AREL1: variants seen among roughly 807,000 people sequenced by gnomAD.
AREL1 encodes apoptosis-resistant E3 ubiquitin protein ligase 1.
In AREL1, 62 loss-of-function variants were observed where a neutral mutation model predicts 99.0. That is an observed-to-expected ratio of 0.63 (90% CI 0.51 to 0.77). The LOEUF (loss-of-function observed/expected upper bound fraction) is 0.77, where lower values mean the gene tolerates loss of function less well. AREL1 is among the 30% of genes least tolerant of loss of function. The pLI, the probability that AREL1 is intolerant of heterozygous loss-of-function variation, is 0.00. For synonymous variants in AREL1, 380 were observed against 376.5 expected, an observed-to-expected ratio of 1.01 and a Z score of -0.11; for missense variants, 879 against 1,027.6, an observed-to-expected ratio of 0.86 and a Z score of 1.98.
chr14:74,686,929 A>AC (rs2089761028), intron 2 of AREL1, among the ~76,000 whole-genome samples: 1 of 152,032 alleles, frequency 6.6e-6, no homozygotes, highest in African/African-American at 2.4e-5. Context: ...CAACTACTGA[A>AC]CCTCCTTCCC....
chr14:74,666,695 T>G (rs2089217041), intron 17 of AREL1, among the ~76,000 whole-genome samples: 1 of 151,144 alleles, frequency 6.6e-6, no homozygotes. Flanking sequence ...GTACATGATA[T>G]TAACATTCTT....
intron 18 of AREL1, among the ~76,000 whole-genome samples, chr14:74,664,448 C>CTTTTTTT (rs56728679): frequency 5.2e-5 from 4 of 76,896 alleles, no homozygotes; most frequent in Non-Finnish European, 7.2e-5. Context: ...CTTTTCCTTT[C>CTTTTTTT]TTTTTTTTTT....
chr14:74,664,096 T>C, intron 18 of AREL1, 22 bp from the exon 19 acceptor site: 1 of 1,607,046 alleles, frequency 6.2e-7, no homozygotes, highest in Non-Finnish European at 8.5e-7. Context: ...AGCACAAGGC[T>C]GGGATCACAC....
intron 2 of AREL1, among the ~76,000 whole-genome samples, chr14:74,688,318 C>A (rs1303841678): frequency 6.6e-6 from 1 of 152,142 alleles, no homozygotes; most frequent in Admixed American, 6.5e-5. Flanking sequence ...AGCCACCACG[C>A]CCGGCCCTGA....
rs370475152 is a variant in AREL1 at position 74,674,069 on chromosome 14, G to A, written c.1123C>T (p.Arg375Cys). 2.3e-5 allele frequency: 37 copies of A among 1,613,762 alleles called. No homozygotes were observed. In the Admixed American group the frequency reaches 4.0e-4, roughly 17 times the overall value. ...GGACACACTCGGAAGGTGTAAAGGC[G>A]CCAGGGGATGATCTTCAGGTAGAAC... ...KEFYLKIIPW[R>C]LYTFRVCPGT... The change falls in exon 9 of 20, where the codon CGC becomes TGC. Residue 375 changes from arginine (R) to cysteine (C), a missense_variant. Coordinates refer to ENST00000356357, the MANE Select transcript of AREL1 (RefSeq NM_001039479.2).
At chr14:74,684,285 A>G (rs2089698049) in intron 4 of AREL1, among the ~76,000 whole-genome samples, 169 bp downstream of exon 4, 1 of 152,242 alleles carries the variant, frequency 6.6e-6, no homozygotes, top group Non-Finnish European at 1.5e-5. Context: ...GACCTATTAA[A>G]TCAAAATGAC....
At position 74,670,858 on chromosome 14, in the gene AREL1, T is replaced by A; in HGVS notation, c.1512A>T (p.Gly504=). 6.2e-7 allele frequency: 1 copy of A among 1,613,920 alleles called. No individual in the cohort carries two copies. The highest frequency in any genetic ancestry group is 1.1e-5 in the South Asian group (1 of 91,068). Residue 504 remains glycine (G), a synonymous_variant, in exon 13 of 20, where the codon GGA becomes GGT. Transcript: ENST00000356357. Reference sequence around the variant, plus strand: ...GCTCAAACCATTCCCGGCGAGGCCCTCCCCAGTCCAGAGCTGAAAAGCATA... The same window carrying A: ...GCTCAAACCATTCCCGGCGAGGCCCACCCCAGTCCAGAGCTGAAAAGCATA... ...VFQDEEALDW[G]GPRREWFELI... is the part of the protein sequence containing the mutation.
At chr14:74,700,387 C>T (rs532177107) in intron 1 of AREL1, among the ~76,000 whole-genome samples, 16 of 152,328 alleles carry the variant, frequency 1.1e-4, no homozygotes, top group African/African-American at 3.8e-4. Context: ...TCTTTCTCTA[C>T]TCTTAACTGG....
rs1481738575 is a variant in AREL1 at position 74,669,519 on chromosome 14, C to G, written c.1914+130G>C. On this transcript the variant is annotated intron_variant, in intron 15 of 19. Coordinates refer to ENST00000356357, the MANE Select transcript of AREL1 (RefSeq NM_001039479.2). The stretch of plus-strand genomic sequence containing the variant: ...TGAGAAGTTCACTTATTATGTCACC[C>G]ACATTTTGGGTGTTTAATAGACAAC... The G allele has an allele frequency of 5.1e-6, 6 of 1,169,692 alleles. No homozygotes were observed. In the East Asian group the frequency reaches 1.4e-4, roughly 28 times the overall value. The allele number at this position is 1,169,692 out of a possible 1,614,324, so 72.5% of individuals were successfully genotyped here. A position where few individuals can be genotyped will look rare whatever the true frequency, so the allele number is the denominator to read the frequency against.
intron 14 of AREL1, 64 bp from the exon 15 acceptor site, chr14:74,669,838 T>TA: frequency 1.3e-6 from 2 of 1,599,294 alleles, no homozygotes; most frequent in Non-Finnish European, 1.7e-6. Context: ...TGTAACTGCT[T>TA]AGAACCACTT....
At position 74,669,999 on chromosome 14, in the gene AREL1, C is replaced by A. The variant is rs1401008441; in HGVS notation, c.1736G>T (p.Arg579Leu). 1 of 1,613,932 alleles carries A rather than the reference C, an allele frequency of 6.2e-7. No individual in the cohort carries two copies. Residue 579 changes from arginine to leucine, a missense_variant, in exon 14 of 20, where the codon CGC becomes CTC. Arg to Leu is a moderately radical substitution (Grantham distance 102). Coordinates refer to ENST00000356357, the MANE Select transcript of AREL1 (RefSeq NM_001039479.2). Reference sequence around the variant, plus strand: ...TTGGGCCAGGAAAGAGCGGGTGAAGCGAGCTCGGACCAACTGCTTGTAGGC... The same window carrying A: ...TTGGGCCAGGAAAGAGCGGGTGAAGAGAGCTCGGACCAACTGCTTGTAGGC... ...GGAYKQLVRA[R>L]FTRSFLAQII...
intron 1 of AREL1, chr14:74,712,090 GAAAGAAAAAGA>G (rs2090322088): frequency 1.4e-5 from 1 of 70,194 alleles, no homozygotes; most frequent in Non-Finnish European, 3.1e-5. Context: ...AAGAAAGAAA[GAAAGAAAAAGA>G]AAAAAAGAAA....
At chr14:74,690,176 C>T (rs1334708488) in intron 2 of AREL1, among the ~76,000 whole-genome samples, 1 of 149,992 alleles carries the variant, frequency 6.7e-6, no homozygotes, top group Non-Finnish European at 1.5e-5. Flanking sequence ...AGAAGGATCC[C>T]TTGAGCCCAG....
At position 74,675,931 on chromosome 14, in the gene AREL1, A is replaced by G; in HGVS notation, c.848T>C (p.Ile283Thr). The change falls in exon 8 of 20, where the codon ATC becomes ACC. Residue 283 changes from isoleucine to threonine, a missense_variant. Ile to Thr is a moderately conservative substitution (Grantham distance 89, BLOSUM62 -1). Transcript: ENST00000356357. ...TGAAGTGGACACATTGCGTTCGACG[A>G]TATTCTTCTCATCCTCTGAAGTATA... ...IIVLSEDEKN[I>T]VERNVSTSGV... 2 of 1,596,046 alleles carry G rather than the reference A, an allele frequency of 1.3e-6. No individual in the cohort carries two copies. The highest frequency in any genetic ancestry group is 1.7e-6 in the Non-Finnish European group (2 of 1,169,804).
intron 1 of AREL1, among the ~76,000 whole-genome samples, chr14:74,695,947 T>C (rs148920767): frequency 1.1e-3 from 171 of 152,378 alleles, no homozygotes; most frequent in African/African-American, 4.1e-3. Context: ...GTAATGCTGA[T>C]GCTGCTGGTC....
Position 74,676,163 on chromosome 14 carries a change from T to C in AREL1, c.810A>G (p.Glu270=). ...SYQNQPINNG[E]FDIIVLSEDE... ...TACCACTTAGGACAATAATGTCAAA[T>C]TCACCATTATTGATTGGCTGATTTT... Residue 270 remains glutamate, a synonymous_variant, in exon 7 of 20, where the codon GAA becomes GAG. Coordinates refer to ENST00000356357, the MANE Select transcript of AREL1 (RefSeq NM_001039479.2). The C allele has an allele frequency of 6.2e-7, 1 of 1,613,838 alleles. No homozygotes were observed. The highest frequency in any genetic ancestry group is 8.5e-7 in the Non-Finnish European group (1 of 1,180,004).
chr14:74,673,052 C>G, intron 10 of AREL1, 25 bp downstream of exon 10: 1 of 1,614,090 alleles, frequency 6.2e-7, no homozygotes, highest in Non-Finnish European at 8.5e-7. Flanking sequence ...ACTACCTTCC[C>G]TATAGAATCC....
chr14:74,676,493 A>G, intron 6 of AREL1, 90 bp downstream of exon 6: 1 of 1,476,460 alleles, frequency 6.8e-7, no homozygotes, highest in Non-Finnish European at 9.2e-7. Context: ...AAGGAGAAGG[A>G]AAGAGAGATC....
At chr14:74,674,267 A>G (rs1166398643) in intron 8 of AREL1, among the ~76,000 whole-genome samples, 156 bp from the exon 9 acceptor site, 1 of 152,220 alleles carries the variant, frequency 6.6e-6, no homozygotes, top group Non-Finnish European at 1.5e-5. Flanking sequence ...AAGTCAAATA[A>G]ATACATTAAC....
Sources: gnomAD v4.1 joint callset for allele counts (sites outside exome capture counted in the v4.1 genomes callset) on GRCh38, gnomAD v4.1.1 for gene constraint, MANE v1.5 for transcripts, NCBI Gene and HGNC (gene_info 2026-07-23, HGNC 2026-07-21) for gene names.